Variants in UBE2J1 observed in about 807,000 individuals in gnomAD.
UBE2J1 encodes the protein ubiquitin conjugating enzyme E2 J1.
A neutral mutation model predicts 42.1 loss-of-function variants in UBE2J1; 17 were observed. The observed-to-expected ratio is 0.40, with a 90% CI of 0.28 to 0.61. UBE2J1 has a LOEUF of 0.61. Ranked by LOEUF, UBE2J1 falls within the 20% of genes least tolerant of loss-of-function variation. The probability of loss-of-function intolerance (pLI) is 0.38; values close to 1 mark genes in which losing one functional copy is unlikely to be tolerated. For missense variants in UBE2J1, 291 were observed against 389.4 expected (o/e 0.75, Z 2.13); for synonymous variants, 127 against 137.2 (o/e 0.93, Z 0.52).
chr6:89,337,932 C>G (rs940933382), intron 5 of UBE2J1, among the ~76,000 whole-genome samples: 1 of 152,084 alleles, frequency 6.6e-6, no homozygotes, highest in Non-Finnish European at 1.5e-5. Context: ...TATTGTTTTC[C>G]AGGAGAATAT....
intron 5 of UBE2J1, among the ~76,000 whole-genome samples, chr6:89,336,237 TATC>T (rs1412835539): frequency 3.9e-5 from 6 of 152,126 alleles, no homozygotes; most frequent in African/African-American, 1.4e-4. Context: ...AATTATGAAA[TATC>T]ATATAAACAA....
intron 1 of UBE2J1, among the ~76,000 whole-genome samples, chr6:89,351,069 C>CTTCTT (rs1768466692): frequency 3.3e-5 from 2 of 60,442 alleles, no homozygotes; most frequent in African/African-American, 1.4e-4. Flanking sequence ...CCGGGATTCT[C>CTTCTT]TTTTTTTTTT....
chr6:89,329,694 A>C lies in UBE2J1; in HGVS notation c.942T>G (p.Phe314Leu). The change falls in exon 8 of 8, where the codon TTT (phenylalanine) becomes TTG (leucine). Residue 314 changes from phenylalanine (F) to leucine (L), a missense_variant. Physicochemically the swap from Phe to Leu is conservative, Grantham distance 22. Coordinates refer to ENST00000435041, the MANE Select transcript of UBE2J1 (RefSeq NM_016021.3). ...CAAAACCATATTATAACTCAAAGTC[A>C]AATATGTATTCGTTTGCCAGATATA... ...RRIYLANEYI[F>L]DFEL 2 of 1,614,114 alleles carry C rather than the reference A, an allele frequency of 1.2e-6. No homozygotes were observed. Among genetic ancestry groups the C allele is most frequent in the Non-Finnish European group, 1.7e-6 (2 of 1,179,968 alleles).
intron 3 of UBE2J1, among the ~76,000 whole-genome samples, chr6:89,340,924 C>T (rs1009892036): frequency 5.9e-5 from 9 of 151,270 alleles, no homozygotes; most frequent in East Asian, 3.9e-4. Flanking sequence ...TACAGGCGCC[C>T]GCCACCGCGC....
chr6:89,338,901 G>A (rs921680964), intron 3 of UBE2J1, among the ~76,000 whole-genome samples: 61 of 152,048 alleles, frequency 4.0e-4, no homozygotes, highest in Non-Finnish European at 7.9e-4. Flanking sequence ...TCCTGACCTT[G>A]TGATCTGCCC....
At chr6:89,338,832 A>G (rs934755197) in intron 3 of UBE2J1, among the ~76,000 whole-genome samples, 1 of 151,710 alleles carries the variant, frequency 6.6e-6, no homozygotes, top group Non-Finnish European at 1.5e-5. Flanking sequence ...GGCCTGGCTA[A>G]TGTTTTGTAT....
chr6:89,337,722 CACTGGG>C, intron 5 of UBE2J1, among the ~76,000 whole-genome samples: 1 of 152,068 alleles, frequency 6.6e-6, no homozygotes, highest in East Asian at 1.9e-4. Flanking sequence ...TTGTGATTGC[CACTGGG>C]CAATCACAAC....
chr6:89,329,739 T>G lies in UBE2J1; in HGVS notation c.897A>C (p.Ala299=), dbSNP rs771566059. Residue 299 remains alanine (A), a synonymous_variant, in exon 8 of 8, where the codon GCA becomes GCC. Transcript: ENST00000435041. ...VLIVILTLAL[A]ALIFRRIYLA... is the part of the protein sequence containing the mutation. ...GATATATTCGTCGGAATATAAGAGC[T>G]GCCAATGCCAAAGTCAGGATGACAA... is the stretch of plus-strand genomic sequence containing the variant. 6.2e-7 allele frequency: 1 copy of G among 1,614,150 alleles called. No homozygotes were observed. Among genetic ancestry groups the G allele is most frequent in the South Asian group, 1.1e-5 (1 of 91,090 alleles).
chr6:89,342,606 TA>T, intron 2 of UBE2J1, 151 bp from the exon 3 acceptor site: 1 of 650,980 alleles, frequency 1.5e-6, no homozygotes, highest in Middle Eastern at 4.3e-4. Flanking sequence ...CTCGAGACTA[TA>T]AGTGATAAAT....
rs1402624848 is a variant in UBE2J1 at position 89,351,866 on chromosome 6, A to G, written c.31+673T>C. On this transcript the variant is annotated intron_variant, in intron 1 of 7. Coordinates refer to ENST00000435041, the MANE Select transcript of UBE2J1 (RefSeq NM_016021.3). ...CTAGGATTGCTGGGACTGCTTGTGT[A>G]AATATAAAGCAGGATCATTAAATGC... 3.3e-5 allele frequency among the ~76,000 whole-genome samples: 5 copies of G among 152,228 alleles called. No homozygotes were observed. In the South Asian group the frequency reaches 1.0e-3, roughly 32 times the overall value.
rs568551316 is a variant in UBE2J1, at chr6:89,330,479, A to G, written c.679-522T>C. ...GATGCCTTTTGGATGGTATATCACT[A>G]ACTAAAAATTAAGTGCCTTGATATT... On this transcript the variant is annotated intron_variant, in intron 7 of 7. Coordinates refer to ENST00000435041, the MANE Select transcript of UBE2J1 (RefSeq NM_016021.3). Among the ~76,000 whole-genome samples the G allele has an allele frequency of 2.3e-4, 35 of 152,222 alleles. 1 individual carries two copies. In the South Asian group the frequency reaches 6.2e-3, roughly 27 times the overall value.
rs940291653 is a variant in UBE2J1 at position 89,349,218 on chromosome 6, C to A, written c.31+3321G>T. Among the ~76,000 whole-genome samples, 6 of 151,966 alleles carry A rather than the reference C, an allele frequency of 3.9e-5. No homozygotes were observed. The East Asian group carries it at 1.2e-3, about 29-fold the overall frequency. On this transcript the variant is annotated intron_variant, in intron 1 of 7. Transcript: ENST00000435041. Reference sequence around the variant, plus strand: ...CACCACTGCACTCCAGGCTGGGAGACCCTGCCTCAAAAAAAAAGAAAATGA... The same window carrying A: ...CACCACTGCACTCCAGGCTGGGAGAACCTGCCTCAAAAAAAAAGAAAATGA...
At chr6:89,346,154 G>A (rs1482714086) in intron 1 of UBE2J1, among the ~76,000 whole-genome samples, 1 of 152,080 alleles carries the variant, frequency 6.6e-6, no homozygotes, top group Admixed American at 6.5e-5. Context: ...TGAGATTACA[G>A]GCGGGAATCA....
At position 89,329,732 on chromosome 6, in the gene UBE2J1, T is replaced by C. The variant is rs1436223459; in HGVS notation, c.904A>G (p.Ile302Val). 4.3e-6 allele frequency: 7 copies of C among 1,614,024 alleles called. No individual in the cohort carries two copies. Among genetic ancestry groups the C allele is most frequent in the Non-Finnish European group, 5.9e-6 (7 of 1,180,002 alleles). The change falls in exon 8 of 8, where the codon ATA becomes GTA. Residue 302 changes from isoleucine (I) to valine (V), a missense_variant. This residue lies in a region of UBE2J1 where 176 missense variants were observed against 196.3 expected (regional missense o/e 0.90). Coordinates refer to ENST00000435041, the MANE Select transcript of UBE2J1 (RefSeq NM_016021.3). ...TTTGCCAGATATATTCGTCGGAATA[T>C]AAGAGCTGCCAATGCCAAAGTCAGG... ...VILTLALAAL[I>V]FRRIYLANEY...
chr6:89,344,625 A>C (rs1029168653), intron 1 of UBE2J1, among the ~76,000 whole-genome samples: 1 of 152,234 alleles, frequency 6.6e-6, no homozygotes, highest in African/African-American at 2.4e-5. Flanking sequence ...AGGATGGTGC[A>C]GTAATGCCAT....
chr6:89,351,069 C>CTTTTTTTTTTTTTTTTT (rs1193022037), intron 1 of UBE2J1, among the ~76,000 whole-genome samples: 1 of 60,442 alleles, frequency 1.7e-5, no homozygotes, highest in African/African-American at 6.9e-5. Context: ...CCGGGATTCT[C>CTTTTTTTTTTTTTTTTT]TTTTTTTTTT....
At chr6:89,348,073 C>T (rs1248421514) in intron 1 of UBE2J1, among the ~76,000 whole-genome samples, 1 of 152,196 alleles carries the variant, frequency 6.6e-6, no homozygotes, top group East Asian at 1.9e-4. Flanking sequence ...GCCTGGCAAC[C>T]GGGCTACAGC....
In UBE2J1 at chr6:89,329,548, C is replaced by T; in HGVS notation, c.*131G>A. On this transcript the variant is annotated 3_prime_UTR_variant, in exon 8 of 8. Transcript: ENST00000435041. Reference sequence around the variant, plus strand: ...AATGTCTAGATATATTTATACTAAACTTACAAGGATCAAAAAAAGGAATGA... The same window carrying T: ...AATGTCTAGATATATTTATACTAAATTTACAAGGATCAAAAAAAGGAATGA... The T allele has an allele frequency of 3.0e-6, 3 of 994,684 alleles. No individual in the cohort carries two copies. In the South Asian group the frequency reaches 4.6e-5, roughly 15 times the overall value. The allele number at this position is 994,684 out of a possible 1,614,324, so 61.6% of individuals were successfully genotyped here.
intron 5 of UBE2J1, 68 bp from the exon 6 acceptor site, chr6:89,335,499 T>C: frequency 8.4e-7 from 1 of 1,186,444 alleles, no homozygotes; most frequent in Non-Finnish European, 1.1e-6. Context: ...ACTGAGACAC[T>C]CAAATGCTCG....
Sources: allele counts gnomAD v4.1 joint callset (sites outside exome capture counted in the v4.1 genomes callset), GRCh38; gene constraint gnomAD v4.1.1; regional missense constraint gnomAD v4.1.1; transcripts MANE v1.5; gene names NCBI Gene and HGNC (gene_info 2026-07-23, HGNC 2026-07-21).